Variants in MGMT observed in about 807,000 individuals in gnomAD.
MGMT encodes O-6-methylguanine-DNA methyltransferase, also known as methylated-DNA--protein-cysteine methyltransferase.
A neutral mutation model predicts 15.9 loss-of-function variants in MGMT; 14 were observed. That is an observed-to-expected ratio of 0.88 (90% CI 0.58 to 1.37). The LOEUF (loss-of-function observed/expected upper bound fraction) is 1.37, where lower values mean the gene tolerates loss of function less well. Among genes scored for constraint, MGMT ranks in the 40% most tolerant of loss-of-function variants. The pLI, the probability that MGMT is intolerant of heterozygous loss-of-function variation, is 0.00. For synonymous variants in MGMT, 130 were observed against 118.2 expected (o/e 1.10, Z -0.65); for missense variants, 282 against 268.1 (o/e 1.05, Z -0.36).
intron 1 of MGMT, among the ~76,000 whole-genome samples, chr10:129,492,029 A>G (rs1589833957): frequency 6.6e-6 from 1 of 151,846 alleles, no homozygotes; most frequent in Admixed American, 6.6e-5. Context: ...TGTTTGCTGG[A>G]CTTGTGCATA....
intron 1 of MGMT, among the ~76,000 whole-genome samples, chr10:129,520,247 T>G (rs542320254): frequency 2.6e-4 from 39 of 152,252 alleles, no homozygotes; most frequent in African/African-American, 9.1e-4. Flanking sequence ...CTCTGTGATG[T>G]ACAGCCGCTG....
At chr10:129,676,880 A>T (rs917912151) in intron 2 of MGMT, among the ~76,000 whole-genome samples, 1 of 152,224 alleles carries the variant, frequency 6.6e-6, no homozygotes, top group Admixed American at 6.5e-5. Flanking sequence ...ACTGGGCATT[A>T]TGAGTGTATT....
intron 2 of MGMT, among the ~76,000 whole-genome samples, chr10:129,642,141 A>G (rs1393227492): frequency 4.6e-5 from 7 of 152,016 alleles, no homozygotes; most frequent in Non-Finnish European, 8.8e-5. Context: ...CATTTCCTAC[A>G]GTGCAGAGTT....
intron 2 of MGMT, among the ~76,000 whole-genome samples, chr10:129,569,840 G>A (rs1021068706): frequency 6.6e-6 from 1 of 152,190 alleles, no homozygotes; most frequent in Non-Finnish European, 1.5e-5. Flanking sequence ...GTATTGGGAT[G>A]ATGGGGGTGT....
At chr10:129,665,758 T>C (rs1390374240) in intron 2 of MGMT, among the ~76,000 whole-genome samples, 1 of 152,164 alleles carries the variant, frequency 6.6e-6, no homozygotes. Context: ...TTTTACTTCA[T>C]GTAAAAAATG....
At chr10:129,612,903 C>A (rs1227553358) in intron 2 of MGMT, among the ~76,000 whole-genome samples, 1 of 152,212 alleles carries the variant, frequency 6.6e-6, no homozygotes, top group African/African-American at 2.4e-5. Context: ...AGCAGTGAGA[C>A]TCTGTCCCCA....
At chr10:129,687,542 C>T (rs1413204234) in intron 2 of MGMT, among the ~76,000 whole-genome samples, 3 of 152,290 alleles carry the variant, frequency 2.0e-5, no homozygotes, top group East Asian at 1.9e-4. Context: ...TATTTGCATA[C>T]GGTGCAAATC....
At chr10:129,653,102 A>C (rs1041426819) in intron 2 of MGMT, among the ~76,000 whole-genome samples, 1 of 152,170 alleles carries the variant, frequency 6.6e-6, no homozygotes, top group African/African-American at 2.4e-5. Flanking sequence ...GTGACAAAAG[A>C]GAAACATGGT....
chr10:129,759,869 C>A (rs561299460), intron 4 of MGMT, among the ~76,000 whole-genome samples: 1 of 152,168 alleles, frequency 6.6e-6, no homozygotes, highest in Non-Finnish European at 1.5e-5. Context: ...AAGCACCACA[C>A]GTGAGCACAC....
chr10:129,493,556 A>G (rs553686829), intron 1 of MGMT, among the ~76,000 whole-genome samples: 33 of 152,340 alleles, frequency 2.2e-4, no homozygotes, highest in African/African-American at 7.7e-4. Context: ...AGATAAATAT[A>G]GATAAAAATC....
intron 2 of MGMT, among the ~76,000 whole-genome samples, chr10:129,541,457 G>A (rs966650845): frequency 6.6e-6 from 1 of 152,156 alleles, no homozygotes; most frequent in African/African-American, 2.4e-5. Flanking sequence ...TAATGAGAGG[G>A]GCCAGGCTGT....
Position 129,679,180 on chromosome 10 carries a change from G to C in MGMT, c.126-28715G>C, listed in dbSNP as rs1221684656. ...ACAAGCAAGCAGTTCAGATTAATGT[G>C]TTTTCTTAGAAAACTTGATTTGATT... On this transcript the variant is annotated intron_variant, in intron 2 of 4. Coordinates refer to ENST00000651593, the MANE Select transcript of MGMT (RefSeq NM_002412.5). Among the ~76,000 whole-genome samples, 3 of 152,122 alleles carry C rather than the reference G, an allele frequency of 2.0e-5. No homozygotes were observed. In the East Asian group the frequency reaches 5.8e-4, roughly 29 times the overall value.
At chr10:129,648,116 AATTG>A (rs1195747461) in intron 2 of MGMT, among the ~76,000 whole-genome samples, 1 of 152,190 alleles carries the variant, frequency 6.6e-6, no homozygotes, top group African/African-American at 2.4e-5. Context: ...GGTAATGGGA[AATTG>A]ATTGTGACAA....
intron 3 of MGMT, among the ~76,000 whole-genome samples, chr10:129,745,329 C>T (rs981803442): frequency 1.3e-5 from 2 of 151,998 alleles, no homozygotes; most frequent in Non-Finnish European, 2.9e-5. Flanking sequence ...TCTGTAACCA[C>T]CCCCAAAATC....
intron 2 of MGMT, among the ~76,000 whole-genome samples, chr10:129,605,328 T>C (rs1356260312): frequency 2.0e-5 from 3 of 152,236 alleles, no homozygotes; most frequent in Non-Finnish European, 4.4e-5. Context: ...TTAATTTCTT[T>C]TAATGTCAAA....
chr10:129,580,538 GA>G (rs964407440), intron 2 of MGMT, among the ~76,000 whole-genome samples: 1 of 152,162 alleles, frequency 6.6e-6, no homozygotes, highest in Non-Finnish European at 1.5e-5. Context: ...GGGGCTCAGT[GA>G]TACCCTAAAG....
intron 2 of MGMT, among the ~76,000 whole-genome samples, chr10:129,572,583 G>A (rs1231672084): frequency 6.6e-6 from 1 of 152,204 alleles, no homozygotes; most frequent in Non-Finnish European, 1.5e-5. Flanking sequence ...AAGTGTGGAA[G>A]TCAAGCATAC....
At chr10:129,586,492 G>A (rs1028923023) in intron 2 of MGMT, among the ~76,000 whole-genome samples, 6 of 152,080 alleles carry the variant, frequency 3.9e-5, no homozygotes, top group African/African-American at 1.2e-4. Flanking sequence ...GAATTATAAC[G>A]TATAGTCTCT....
rs1242910447 is a variant in MGMT, at chr10:129,630,910, G to T, written c.126-76985G>T. Among the ~76,000 whole-genome samples the T allele has an allele frequency of 4.6e-5, 7 of 152,290 alleles. No individual in the cohort carries two copies. In the East Asian group the frequency reaches 1.4e-3, roughly 29 times the overall value. On this transcript the variant is annotated intron_variant, in intron 2 of 4. Transcript: ENST00000651593. ...AAAATGGCTCACGTTAAAAATAGTT[G>T]CTTTATTTTGTAAATGTTTTAGAAA... is the stretch of plus-strand genomic sequence containing the variant.
Sources: gnomAD v4.1 joint callset for allele counts (sites outside exome capture counted in the v4.1 genomes callset) on GRCh38, gnomAD v4.1.1 for gene constraint, MANE v1.5 for transcripts, NCBI Gene and HGNC (gene_info 2026-07-23, HGNC 2026-07-21) for gene names.